The following CCDC47 variants were observed in gnomAD, a reference collection of about 807,000 sequenced individuals.
CCDC47 encodes PAT complex subunit CCDC47.
In CCDC47, 41 loss-of-function variants were observed where a neutral mutation model predicts 60.5. That is an observed-to-expected ratio of 0.68 (90% confidence interval 0.53 to 0.88). CCDC47 has a LOEUF of 0.88. CCDC47 is among the 40% of genes least tolerant of loss of function. The probability of loss-of-function intolerance (pLI) is 0.00; values close to 1 mark genes in which losing one functional copy is unlikely to be tolerated. For synonymous variants in CCDC47, 195 were observed against 190.7 expected (o/e 1.02, Z -0.18); for missense variants, 513 against 580.9 (o/e 0.88, Z 1.20).
At chr17:63,747,530 G>A in intron 12 of CCDC47, 1 of 983,246 alleles carries the variant, frequency 1.0e-6, no homozygotes, top group Non-Finnish European at 1.2e-6. Context: ...GAATTAGGAA[G>A]TTACATAGAA....
Position 63,764,847 on chromosome 17 carries a change from C to T in CCDC47, c.265G>A (p.Glu89Lys), listed in dbSNP as rs761810147. Residue 89 changes from glutamate (E) to lysine (K), a missense_variant and splice_region_variant, in exon 3 of 13, where the codon GAG becomes AAG. By Grantham distance (56) the Glu-to-Lys change is moderately conservative. Transcript: ENST00000225726. ...EGDFEDADTQ[E>K]GDTESEPYDD... ...TATGGTTCACTCTCAGTATCTCCCT[C>T]CTACAAAAATGAGGCATCATCCGTT... 12 of 1,608,538 alleles carry T rather than the reference C, an allele frequency of 7.5e-6. No individual in the cohort carries two copies. Among genetic ancestry groups the T allele is most frequent in the Non-Finnish European group, 8.5e-6 (10 of 1,178,392 alleles).
chr17:63,767,679 G>A (rs1052995696), intron 1 of CCDC47, among the ~76,000 whole-genome samples: 7 of 151,176 alleles, frequency 4.6e-5, no homozygotes, highest in Non-Finnish European at 1.0e-4. Flanking sequence ...GGCTTCATGG[G>A]GTACATACTG....
At chr17:63,750,039 T>C (rs1309000277) in intron 12 of CCDC47, among the ~76,000 whole-genome samples, 1 of 152,166 alleles carries the variant, frequency 6.6e-6, no homozygotes, top group Admixed American at 6.5e-5. Flanking sequence ...GGTTGTTCTA[T>C]TGAGTTCACC....
chr17:63,758,888 A>G (rs1259015018), intron 6 of CCDC47, among the ~76,000 whole-genome samples: 2 of 152,178 alleles, frequency 1.3e-5, no homozygotes, highest in Non-Finnish European at 2.9e-5. Flanking sequence ...CAGAATTCCA[A>G]AAAAAGGGGC....
chr17:63,755,076 T>C (rs988041877), intron 8 of CCDC47, among the ~76,000 whole-genome samples: 3 of 152,086 alleles, frequency 2.0e-5, no homozygotes, highest in African/African-American at 7.2e-5. Context: ...GCTCAAGTGA[T>C]CTTCCTGCCT....
chr17:63,768,284 A>T (rs1277607059), intron 1 of CCDC47, among the ~76,000 whole-genome samples: 1 of 152,248 alleles, frequency 6.6e-6, no homozygotes, highest in East Asian at 1.9e-4. Context: ...AAATTTGCAC[A>T]GGAATTCAGC....
intron 4 of CCDC47, among the ~76,000 whole-genome samples, chr17:63,763,793 C>T (rs760223163): frequency 1.3e-4 from 20 of 151,476 alleles, no homozygotes; most frequent in Non-Finnish European, 2.7e-4. Context: ...CACTGCACTC[C>T]AGCCTGGTGA....
At chr17:63,758,756 T>G (rs1318138949) in intron 6 of CCDC47, among the ~76,000 whole-genome samples, 1 of 152,116 alleles carries the variant, frequency 6.6e-6, no homozygotes, top group Non-Finnish European at 1.5e-5. Flanking sequence ...TGAAATAATT[T>G]TTAGTATATG....
At chr17:63,758,850 T>C (rs371780284) in intron 6 of CCDC47, among the ~76,000 whole-genome samples, 5 of 152,066 alleles carry the variant, frequency 3.3e-5, no homozygotes, top group East Asian at 3.9e-4. Flanking sequence ...CCATCATTGA[T>C]GGGAAATTAC....
intron 1 of CCDC47, among the ~76,000 whole-genome samples, chr17:63,771,134 A>G (rs2039338270): frequency 6.6e-6 from 1 of 152,114 alleles, no homozygotes; most frequent in African/African-American, 2.4e-5. Flanking sequence ...GCCATAAAGG[A>G]TAGGCCAACG....
chr17:63,755,768 T>G, intron 8 of CCDC47, among the ~76,000 whole-genome samples: 1 of 152,186 alleles, frequency 6.6e-6, no homozygotes, highest in Non-Finnish European at 1.5e-5. Context: ...GGAGGAACAC[T>G]TGAGCCCAGA....
At chr17:63,751,112 T>G (rs2144470112) in intron 12 of CCDC47, among the ~76,000 whole-genome samples, 1 of 147,488 alleles carries the variant, frequency 6.8e-6, no homozygotes, top group Non-Finnish European at 1.5e-5. Flanking sequence ...ACTCCTGGGC[T>G]CAAGCAATCT....
intron 12 of CCDC47, 177 bp downstream of exon 12, chr17:63,751,763 C>G (rs915451722): frequency 2.9e-6 from 2 of 697,442 alleles, no homozygotes; most frequent in African/African-American, 1.8e-5. Flanking sequence ...CAGTGTGGCA[C>G]GGCTTGAACA....
chr17:63,756,985 C>T (rs1225116859), intron 6 of CCDC47, among the ~76,000 whole-genome samples: 6 of 151,944 alleles, frequency 3.9e-5, no homozygotes, highest in South Asian at 2.1e-4. Flanking sequence ...TACAGTAGTT[C>T]GTGCCTTTAA....
rs1346622419 is a variant in CCDC47 at position 63,756,356 on chromosome 17, G to A, written c.838-6C>T. 1 of 1,609,962 alleles carries A rather than the reference G, an allele frequency of 6.2e-7. No individual in the cohort carries two copies. The highest frequency in any genetic ancestry group is 8.5e-7 in the Non-Finnish European group (1 of 1,176,188). ...TTATCACTACAAAACTCACTCTAGA[G>A]GAAGAAGTAATTGAAAGTAAGATAT... is the stretch of plus-strand genomic sequence containing the variant. On this transcript the variant is annotated splice_polypyrimidine_tract_variant and splice_region_variant and intron_variant, in intron 7 of 12. Coordinates refer to ENST00000225726, the MANE Select transcript of CCDC47 (RefSeq NM_020198.3).
In CCDC47 at chr17:63,747,812, A is replaced by G. The variant is rs2039131860; in HGVS notation, c.1372-851T>C. On this transcript the variant is annotated intron_variant, in intron 12 of 12. Transcript: ENST00000225726. ...GCAACAAATTAGGTTTCAAAGGGTG[A>G]TTTGTAAATTCCTGGTTTGGGAACT... The G allele has an allele frequency of 2.7e-5, 27 of 984,188 alleles. No homozygotes were observed. In the South Asian group the frequency reaches 1.2e-3, roughly 45 times the overall value. 61.0% of individuals were successfully genotyped at this position (984,188 alleles called of 1,614,324 possible).
intron 4 of CCDC47, chr17:63,761,873 T>C: frequency 2.3e-6 from 2 of 866,580 alleles, no homozygotes; most frequent in Admixed American, 6.2e-5. Flanking sequence ...TTAGAAGAAA[T>C]ATGGATTCTA....
At chr17:63,772,250 GT>G (rs34509265) in intron 1 of CCDC47, among the ~76,000 whole-genome samples, 21,888 of 90,066 alleles carry the variant, frequency 0.24, 1,110 homozygotes, top group African/African-American at 0.35. Context: ...TGTACCAAGG[GT>G]TTTTTTTTTT....
At chr17:63,765,346 CTT>C (rs960533602) in intron 2 of CCDC47, among the ~76,000 whole-genome samples, 1 of 145,834 alleles carries the variant, frequency 6.9e-6, no homozygotes. Context: ...TTTTTCTTTT[CTT>C]TTTTTTTTTG....
Sources: allele counts gnomAD v4.1 joint callset (sites outside exome capture counted in the v4.1 genomes callset), GRCh38; gene constraint gnomAD v4.1.1; transcripts MANE v1.5; gene names NCBI Gene and HGNC (gene_info 2026-07-23, HGNC 2026-07-21).